Variants in BACH2 observed in about 807,000 individuals in gnomAD.
BACH2 encodes transcription regulator protein BACH2.
BACH2 carries 5 observed loss-of-function variants against 61.8 expected under a neutral mutation model. The ratio of observed to expected loss-of-function variants is 0.08; its 90% CI spans 0.04 to 0.17. The LOEUF (loss-of-function observed/expected upper bound fraction) is 0.17, where lower values mean the gene tolerates loss of function less well. Ranked by LOEUF, BACH2 falls within the 10% of genes least tolerant of loss-of-function variation. BACH2 has a pLI of 1.00. For synonymous variants in BACH2, 446 were observed against 440.1 expected (o/e 1.01, Z -0.17); for missense variants, 824 against 1,091.1 (o/e 0.76, Z 3.45).
At chr6:89,935,039 T>C (rs1043191049) in intron 8 of BACH2, among the ~76,000 whole-genome samples, 4 of 152,256 alleles carry the variant, frequency 2.6e-5, no homozygotes, top group African/African-American at 9.6e-5. Flanking sequence ...GATGTACAAG[T>C]GCAACTTGAG....
chr6:90,271,504 A>C (rs976143144), intron 2 of BACH2, among the ~76,000 whole-genome samples: 3 of 152,096 alleles, frequency 2.0e-5, no homozygotes, highest in African/African-American at 7.2e-5. Context: ...GAATGCTACA[A>C]TTTATGTGGT....
intron 6 of BACH2, among the ~76,000 whole-genome samples, chr6:89,957,018 T>C (rs1364028422): frequency 6.6e-6 from 1 of 152,210 alleles, no homozygotes; most frequent in Non-Finnish European, 1.5e-5. Context: ...ACTTTCCTGA[T>C]GAAGCTGAAT....
At chr6:89,975,495 C>G (rs934831212) in intron 6 of BACH2, among the ~76,000 whole-genome samples, 1 of 152,308 alleles carries the variant, frequency 6.6e-6, no homozygotes, top group Non-Finnish European at 1.5e-5. Flanking sequence ...ACTCTCACAT[C>G]TTTGCAATTT....
intron 5 of BACH2, among the ~76,000 whole-genome samples, chr6:90,053,900 C>T (rs1016677985): frequency 1.3e-5 from 2 of 152,016 alleles, no homozygotes; most frequent in African/African-American, 4.8e-5. Flanking sequence ...GTTGTGAAGG[C>T]CTTTTTATTT....
In BACH2 at chr6:90,210,312, AACACACACACACAC is replaced by A. The variant is rs3072671; in HGVS notation, c.-274-3645_-274-3632del. On this transcript the variant is annotated intron_variant, in intron 3 of 8. Transcript: ENST00000257749. ...ATAAACACAACACACACCCCAAAAC[AACACACACACACAC>A]ACACACACACACACACACACACACG... Among the ~76,000 whole-genome samples the A allele has an allele frequency of 9.6e-4, 141 of 147,244 alleles. 1 individual carries two copies. Among genetic ancestry groups the A allele is most frequent in the African/African-American group, 2.5e-3 (100 of 39,840 alleles).
intron 4 of BACH2, among the ~76,000 whole-genome samples, chr6:90,097,085 A>T (rs1185674810): frequency 1.3e-5 from 2 of 152,024 alleles, no homozygotes; most frequent in Non-Finnish European, 2.9e-5. Context: ...GAGCCACCTC[A>T]CTTCTTTCTC....
chr6:90,135,143 C>T (rs1188034607), intron 4 of BACH2, among the ~76,000 whole-genome samples: 1 of 152,194 alleles, frequency 6.6e-6, no homozygotes, highest in East Asian at 1.9e-4. Flanking sequence ...CTGAGGCAGC[C>T]TTGTCCTCCT....
rs1361508434 is a variant in BACH2 at position 90,102,689 on chromosome 6, A to G, written c.-161-13580T>C. Among the ~76,000 whole-genome samples the G allele has an allele frequency of 1.1e-4, 17 of 151,568 alleles. 1 individual carries two copies. The highest frequency in any genetic ancestry group is 1.1e-3 in the Admixed American group (17 of 15,210). ...CCTGTAATCCCAGCTACTCGGGAGGACGAGGCAGGAGAATCACTTGAACCG... is the reference window on the plus strand; with the variant it reads ...CCTGTAATCCCAGCTACTCGGGAGGGCGAGGCAGGAGAATCACTTGAACCG... On this transcript the variant is annotated intron_variant, in intron 4 of 8. Transcript: ENST00000257749.
intron 2 of BACH2, among the ~76,000 whole-genome samples, chr6:90,261,324 A>G (rs1771149921): frequency 2.0e-5 from 3 of 152,182 alleles, no homozygotes; most frequent in Admixed American, 2.0e-4. Flanking sequence ...CTAATGGATT[A>G]TATCTATCCT....
intron 4 of BACH2, among the ~76,000 whole-genome samples, chr6:90,164,450 C>G (rs1264582897): frequency 2.0e-5 from 3 of 151,548 alleles, no homozygotes. Context: ...AAGTCCAGGA[C>G]CAGATGGATT....
intron 6 of BACH2, chr6:90,007,982 A>G (rs1777505262): frequency 6.5e-6 from 1 of 153,642 alleles, no homozygotes; most frequent in Non-Finnish European, 1.4e-5. Context: ...GGGGTCCTAC[A>G]ACTTAAACCA....
At chr6:89,958,296 T>C (rs1181293376) in intron 6 of BACH2, among the ~76,000 whole-genome samples, 1 of 152,242 alleles carries the variant, frequency 6.6e-6, no homozygotes, top group South Asian at 2.1e-4. Flanking sequence ...CATTTTTTCA[T>C]TCTCCAACGA....
At chr6:89,949,005 G>C (rs192253483) in intron 7 of BACH2, among the ~76,000 whole-genome samples, 2 of 152,178 alleles carry the variant, frequency 1.3e-5, no homozygotes, top group African/African-American at 2.4e-5. Flanking sequence ...TGGCACAGGG[G>C]CCTTTGGCAT....
At chr6:90,141,374 T>C (rs1582412492) in intron 4 of BACH2, among the ~76,000 whole-genome samples, 1 of 151,730 alleles carries the variant, frequency 6.6e-6, no homozygotes, top group South Asian at 2.1e-4. Flanking sequence ...AGAGACGGGG[T>C]TTCACCATGT....
intron 3 of BACH2, among the ~76,000 whole-genome samples, chr6:90,221,393 C>T (rs1769729565): frequency 1.3e-5 from 2 of 152,062 alleles, no homozygotes; most frequent in Non-Finnish European, 1.5e-5. Context: ...CTAATTTTTT[C>T]CATGGCCAAT....
intron 4 of BACH2, among the ~76,000 whole-genome samples, chr6:90,167,719 T>C (rs1197383620): frequency 6.6e-6 from 1 of 152,224 alleles, no homozygotes; most frequent in East Asian, 1.9e-4. Context: ...CAGGCGCTCC[T>C]GGAAAGTACA....
At chr6:90,078,893 A>G (rs75265481) in intron 5 of BACH2, among the ~76,000 whole-genome samples, 1,981 of 152,270 alleles carry the variant, frequency 0.013, 41 homozygotes, top group African/African-American at 0.046. Context: ...TGGGGATGCC[A>G]AAGAAAAATG....
intron 7 of BACH2, among the ~76,000 whole-genome samples, chr6:89,949,487 G>C (rs964979261): frequency 1.3e-5 from 2 of 152,160 alleles, no homozygotes; most frequent in African/African-American, 2.4e-5. Flanking sequence ...TGTGAGTCTT[G>C]CTCACGATGT....
At chr6:89,934,947 G>T (rs1193372102) in intron 8 of BACH2, among the ~76,000 whole-genome samples, 10 of 152,212 alleles carry the variant, frequency 6.6e-5, no homozygotes. Context: ...GTCGGAAAGA[G>T]AGATTTACAC....
Sources: allele counts gnomAD v4.1 joint callset (sites outside exome capture counted in the v4.1 genomes callset), GRCh38; gene constraint gnomAD v4.1.1; transcripts MANE v1.5; gene names NCBI Gene and HGNC (gene_info 2026-07-23, HGNC 2026-07-21).